The following INPP5A variants were observed in gnomAD, a reference collection of about 807,000 sequenced individuals.
The protein encoded by INPP5A is 43 kDa inositol polyphosphate 5-phophatase.
INPP5A carries 14 observed loss-of-function variants against 65.2 expected under a neutral mutation model. The ratio of observed to expected loss-of-function variants is 0.21; its 90% CI spans 0.14 to 0.34. The LOEUF (loss-of-function observed/expected upper bound fraction) is 0.34, where lower values mean the gene tolerates loss of function less well. INPP5A is among the 10% of genes least tolerant of loss of function. The pLI is 1.00. For synonymous variants in INPP5A, 207 were observed against 208.3 expected (o/e 0.99, Z 0.05); for missense variants, 431 against 545.6 (o/e 0.79, Z 2.09).
intron 1 of INPP5A, among the ~76,000 whole-genome samples, chr10:132,595,238 A>G (rs1590854678): frequency 1.3e-5 from 2 of 152,224 alleles, no homozygotes; most frequent in Non-Finnish European, 2.9e-5. Context: ...GAAGGGGGCC[A>G]GGGCATGCAG....
chr10:132,620,581 A>G (rs944278600), intron 2 of INPP5A, among the ~76,000 whole-genome samples: 3 of 152,358 alleles, frequency 2.0e-5, no homozygotes, highest in Admixed American at 6.5e-5. Flanking sequence ...TTGCTAAAGC[A>G]TATCATGGGT....
At position 132,662,157 on chromosome 10, in the gene INPP5A, G is replaced by A. The variant is rs562682788; in HGVS notation, c.306+11652G>A. Among the ~76,000 whole-genome samples the A allele has an allele frequency of 7.2e-5, 11 of 152,298 alleles. No homozygotes were observed. The East Asian group carries it at 1.9e-3, about 27-fold the overall frequency. On this transcript the variant is annotated intron_variant, in intron 4 of 15. Transcript: ENST00000368594. Reference sequence around the variant, plus strand: ...GTCAGTTGGACCTATGAAGACGACCGTGGCAAGCGCTGGGGAGGCGGTGGT... The same window carrying A: ...GTCAGTTGGACCTATGAAGACGACCATGGCAAGCGCTGGGGAGGCGGTGGT...
At chr10:132,652,986 C>T (rs748721850) in intron 4 of INPP5A, among the ~76,000 whole-genome samples, 2 of 152,170 alleles carry the variant, frequency 1.3e-5, no homozygotes, top group South Asian at 2.1e-4. Flanking sequence ...TCCTGCTGGC[C>T]GATGTGCAGG....
In INPP5A at chr10:132,676,141, T is replaced by G. The variant is rs1352838751; in HGVS notation, c.307-14251T>G. Among the ~76,000 whole-genome samples the G allele has an allele frequency of 6.6e-6, 1 of 152,238 alleles. No individual in the cohort carries two copies. Among genetic ancestry groups the G allele is most frequent in the Non-Finnish European group, 1.5e-5 (1 of 68,036 alleles). ...GTTATTTTAAGACTGATATTTTTCT[T>G]TGTTCATTATTGAAATTTTCAATTT... On this transcript the variant is annotated intron_variant, in intron 4 of 15. Transcript: ENST00000368594. This position sits in a 1 kb window ranked among gnomAD's most constrained non-coding sequence, Gnocchi z 4.0.
intron 1 of INPP5A, 85 bp from the exon 2 acceptor site, chr10:132,607,830 G>A (rs1030490017): frequency 1.1e-4 from 154 of 1,345,616 alleles, no homozygotes; most frequent in South Asian, 6.4e-4. Flanking sequence ...CCTGCCCCAC[G>A]TTGTCTTCAC....
intron 9 of INPP5A, among the ~76,000 whole-genome samples, chr10:132,739,068 G>A (rs943136372): frequency 1.3e-5 from 2 of 152,146 alleles, no homozygotes; most frequent in Non-Finnish European, 2.9e-5. Context: ...CTGAGGGCCC[G>A]CCCCGCAGCC....
chr10:132,756,193 A>ATG (rs1294541302), intron 11 of INPP5A, among the ~76,000 whole-genome samples: 2 of 152,064 alleles, frequency 1.3e-5, no homozygotes, highest in South Asian at 2.1e-4. Flanking sequence ...GTGTACACAT[A>ATG]TGTGTGTGCG....
At chr10:132,652,801 G>A (rs1158153022) in intron 4 of INPP5A, among the ~76,000 whole-genome samples, 1 of 152,240 alleles carries the variant, frequency 6.6e-6, no homozygotes, top group African/African-American at 2.4e-5. Flanking sequence ...CCCTCAGAAC[G>A]AGCGTGTTGT....
intron 1 of INPP5A, among the ~76,000 whole-genome samples, chr10:132,591,868 G>A (rs2814450): frequency 0.25 from 37,411 of 152,046 alleles, 5,451 homozygotes; most frequent in East Asian, 0.5. Context: ...GGCACTGGGC[G>A]TAACGGGCGC....
At chr10:132,642,001 G>A (rs1045051345) in intron 2 of INPP5A, among the ~76,000 whole-genome samples, 1 of 152,240 alleles carries the variant, frequency 6.6e-6, no homozygotes, top group Admixed American at 6.5e-5. Context: ...CAGTGCTGGC[G>A]CATCACGGTT....
intron 4 of INPP5A, among the ~76,000 whole-genome samples, chr10:132,658,576 C>G (rs908137619): frequency 1.2e-4 from 19 of 152,168 alleles, no homozygotes; most frequent in Admixed American, 6.5e-4. Flanking sequence ...TGGCTGCAGG[C>G]CGGGCCTTGG....
At chr10:132,685,708 G>A (rs752657379) in intron 4 of INPP5A, among the ~76,000 whole-genome samples, 2 of 152,198 alleles carry the variant, frequency 1.3e-5, no homozygotes, top group South Asian at 2.1e-4. Flanking sequence ...GGCTCCGTCC[G>A]GGAGGTGGGA....
chr10:132,574,785 G>A (rs1478756171), intron 1 of INPP5A, among the ~76,000 whole-genome samples: 1 of 151,612 alleles, frequency 6.6e-6, no homozygotes, highest in Non-Finnish European at 1.5e-5. Flanking sequence ...CTGCCTCCTG[G>A]GTTCAAGCCA....
intron 4 of INPP5A, among the ~76,000 whole-genome samples, chr10:132,673,758 G>A (rs1446891440): frequency 6.6e-6 from 1 of 152,242 alleles, no homozygotes; most frequent in Non-Finnish European, 1.5e-5. Flanking sequence ...TCTAAAGTAA[G>A]TGTCTATTCC....
rs1331124197 is a variant in INPP5A at position 132,651,765 on chromosome 10, T to A, written c.306+1260T>A. ...CCATCTCACTTGTTTGGGCATCCAGTGCCAGTTGATCAATGTCCTTGTCCC... is the reference window on the plus strand; with the variant it reads ...CCATCTCACTTGTTTGGGCATCCAGAGCCAGTTGATCAATGTCCTTGTCCC... On this transcript the variant is annotated intron_variant, in intron 4 of 15. Transcript: ENST00000368594. This position sits in a 1 kb window ranked among gnomAD's most constrained non-coding sequence, Gnocchi z 5.0. 6.6e-6 allele frequency among the ~76,000 whole-genome samples: 1 copy of A among 152,222 alleles called. No individual in the cohort carries two copies. The highest frequency in any genetic ancestry group is 1.5e-5 in the Non-Finnish European group (1 of 68,030).
intron 2 of INPP5A, among the ~76,000 whole-genome samples, chr10:132,620,971 A>G (rs2072100272): frequency 6.6e-6 from 1 of 152,264 alleles, no homozygotes; most frequent in African/African-American, 2.4e-5. Context: ...TTAACATTCA[A>G]GAATCAATCA....
chr10:132,574,579 G>A (rs1048368711), intron 1 of INPP5A, among the ~76,000 whole-genome samples: 2 of 151,718 alleles, frequency 1.3e-5, no homozygotes, highest in East Asian at 3.9e-4. Context: ...GGTGAACAGA[G>A]GTCTTAGGGA....
rs1356199335 is a variant in INPP5A at position 132,549,730 on chromosome 10, G to C, written c.75+11559G>C. ...TCCGTGAGGCTCTGTGACACAGGTC[G>C]GGGCCACCCAGCCCAGCCTGGGTTC... is the stretch of plus-strand genomic sequence containing the variant. On this transcript the variant is annotated intron_variant, in intron 1 of 15. Transcript: ENST00000368594. This position sits in a 1 kb window ranked among gnomAD's most constrained non-coding sequence, Gnocchi z 4.9. 2.0e-5 allele frequency among the ~76,000 whole-genome samples: 3 copies of C among 152,238 alleles called. No individual in the cohort carries two copies. The highest frequency in any genetic ancestry group is 7.2e-5 in the African/African-American group (3 of 41,464).
intron 2 of INPP5A, among the ~76,000 whole-genome samples, chr10:132,609,757 G>A (rs1294333437): frequency 2.6e-5 from 4 of 152,112 alleles, no homozygotes; most frequent in African/African-American, 7.2e-5. Flanking sequence ...CCATTCTCCT[G>A]CCTCAGCCTC....
Sources: allele counts gnomAD v4.1 joint callset (sites outside exome capture counted in the v4.1 genomes callset), GRCh38; gene constraint gnomAD v4.1.1; non-coding constraint Gnocchi (gnomAD v3.1); transcripts MANE v1.5; gene names NCBI Gene and HGNC (gene_info 2026-07-23, HGNC 2026-07-21).